Variants in LRRC9 observed in about 807,000 individuals in gnomAD.
LRRC9 encodes the protein leucine-rich repeat-containing protein 9.
A neutral mutation model predicts 63.2 loss-of-function variants in LRRC9; 122 were observed. The ratio of observed to expected loss-of-function variants is 1.93; its 90% confidence interval spans 1.67 to 2.24. The LOEUF (loss-of-function observed/expected upper bound fraction) is 2.24, where lower values mean the gene tolerates loss of function less well. LRRC9 is among the 30% of genes most tolerant of loss of function. The pLI is 0.00. For synonymous variants in LRRC9, 366 were observed against 213.1 expected (o/e 1.72, Z -6.25); for missense variants, 1,071 against 627.7 (o/e 1.71, Z -7.55).
chr14:60,002,342 T>C (rs1431509560), intron 20 of LRRC9, among the ~76,000 whole-genome samples: 1 of 152,206 alleles, frequency 6.6e-6, no homozygotes, highest in African/African-American at 2.4e-5. Flanking sequence ...AACTTTGATG[T>C]TGTACATTAG....
intron 23 of LRRC9, among the ~76,000 whole-genome samples, chr14:60,015,614 T>G (rs1378805356): frequency 1.3e-5 from 2 of 152,136 alleles, no homozygotes; most frequent in Non-Finnish European, 2.9e-5. Context: ...AGGAACTCCT[T>G]GTTACTATTA....
chr14:59,968,708 A>G (rs781100903), intron 12 of LRRC9, among the ~76,000 whole-genome samples: 1 of 152,208 alleles, frequency 6.6e-6, no homozygotes, highest in Non-Finnish European at 1.5e-5. Context: ...AGAACTATGA[A>G]CCATTATCGG....
rs919170049 is a variant in LRRC9, at chr14:60,031,140, T to G, written c.3922-855T>G. Among the ~76,000 whole-genome samples the G allele has an allele frequency of 6.6e-6, 1 of 152,046 alleles. No homozygotes were observed. Among genetic ancestry groups the G allele is most frequent in the Non-Finnish European group, 1.5e-5 (1 of 67,946 alleles). On this transcript the variant is annotated intron_variant, in intron 28 of 31. Coordinates refer to ENST00000445360, the Ensembl canonical transcript of LRRC9. This position sits in a 1 kb window ranked among gnomAD's most constrained non-coding sequence, Gnocchi z 4.6. ...TGCTTGTGGGTAAAAATGCACAATA[T>G]CTCTATAGATTTACAGATTTTTCAA...
intron 17 of LRRC9, among the ~76,000 whole-genome samples, chr14:59,993,026 T>C (rs1227843097): frequency 6.6e-6 from 1 of 151,918 alleles, no homozygotes; most frequent in Non-Finnish European, 1.5e-5. Flanking sequence ...AAAGTTGAAA[T>C]GAAGGAAAAA....
At chr14:60,009,850 C>G (rs182431604) in intron 23 of LRRC9, among the ~76,000 whole-genome samples, 1 of 152,298 alleles carries the variant, frequency 6.6e-6, no homozygotes, top group Admixed American at 6.5e-5. Context: ...CGCATGCAAG[C>G]CCAAAATCCA....
intron 5 of LRRC9, 134 bp from the exon 6 acceptor site, chr14:59,931,835 A>C: frequency 1.6e-6 from 1 of 609,972 alleles, no homozygotes. Flanking sequence ...CTCATTAATC[A>C]GTGGTTACTA....
intron 17 of LRRC9, among the ~76,000 whole-genome samples, chr14:59,988,869 T>C (rs1485058196): frequency 1.3e-5 from 2 of 152,168 alleles, no homozygotes; most frequent in East Asian, 3.8e-4. Flanking sequence ...TGAATGTTAA[T>C]AACAGTTTAG....
intron 28 of LRRC9, among the ~76,000 whole-genome samples, chr14:60,029,510 CAAG>C (rs1891822892): frequency 6.6e-6 from 1 of 152,078 alleles, no homozygotes; most frequent in South Asian, 2.1e-4. Context: ...AGTCCTTAAT[CAAG>C]AAGATCTGCT....
chr14:59,996,774 CGA>C (rs1888840027), intron 17 of LRRC9, among the ~76,000 whole-genome samples: 1 of 152,086 alleles, frequency 6.6e-6, no homozygotes, highest in African/African-American at 2.4e-5. Context: ...CAGTATTTAT[CGA>C]GAGTCTTAAC....
At chr14:60,046,686 T>C (rs1430395904) in intron 29 of LRRC9, among the ~76,000 whole-genome samples, 1 of 152,236 alleles carries the variant, frequency 6.6e-6, no homozygotes, top group Non-Finnish European at 1.5e-5. Context: ...CCTTGTGGCA[T>C]AGTTTGAGGT....
At position 59,986,573 on chromosome 14, in the gene LRRC9, G is replaced by C; in HGVS notation, c.2211+1349G>C. Among the ~76,000 whole-genome samples the C allele has an allele frequency of 6.6e-6, 1 of 152,194 alleles. No homozygotes were observed. Among genetic ancestry groups the C allele is most frequent in the East Asian group, 1.9e-4 (1 of 5,202 alleles). Reference sequence around the variant, plus strand: ...GTATTTTAGAAGAGGTCTCAGGACTGTATGTAGATTGTTGGTATTTTTATT... The same window carrying C: ...GTATTTTAGAAGAGGTCTCAGGACTCTATGTAGATTGTTGGTATTTTTATT... On this transcript the variant is annotated intron_variant, in intron 17 of 31. Coordinates refer to ENST00000445360, the Ensembl canonical transcript of LRRC9. The surrounding 1 kb of genome is among the most constrained non-coding windows in gnomAD (Gnocchi z 4.7).
At position 59,936,527 on chromosome 14, in the gene LRRC9, G is replaced by T. The variant is rs1347935432; in HGVS notation, c.544-1863G>T. Reference sequence around the variant, plus strand: ...GTAAACTCCAGTGTCACCTGAATTTGGAATGTAGTTGGGGGATTTCTGTGT... The same window carrying T: ...GTAAACTCCAGTGTCACCTGAATTTTGAATGTAGTTGGGGGATTTCTGTGT... On this transcript the variant is annotated intron_variant, in intron 6 of 31. Coordinates refer to ENST00000445360, the Ensembl canonical transcript of LRRC9. The surrounding 1 kb of genome is among the most constrained non-coding windows in gnomAD (Gnocchi z 4.2). 1.3e-5 allele frequency among the ~76,000 whole-genome samples: 2 copies of T among 152,162 alleles called. No homozygotes were observed. The highest frequency in any genetic ancestry group is 2.9e-5 in the Non-Finnish European group (2 of 68,022).
rs143139131 is a variant in LRRC9 at position 60,044,030 on chromosome 14, T to C, written c.3991-9035T>C. ...TTTCTATTTCTTCATGATTCAATCTTTGTAGGTTGTATGCATTCGAGAAGA... is the reference window on the plus strand; with the variant it reads ...TTTCTATTTCTTCATGATTCAATCTCTGTAGGTTGTATGCATTCGAGAAGA... On this transcript the variant is annotated intron_variant, in intron 29 of 31. Transcript: ENST00000445360. Among the ~76,000 whole-genome samples, 220 of 152,046 alleles carry C rather than the reference T, an allele frequency of 1.4e-3. No homozygotes were observed. The East Asian group carries it at 0.028, about 19-fold the overall frequency.
chr14:59,985,205 T>C, exon 17 of LRRC9: 1 of 682,414 alleles, frequency 1.5e-6, no homozygotes, highest in East Asian at 2.7e-5. Flanking sequence ...TTTACCTGTT[T>C]AGATGATGTA....
chr14:60,035,839 TG>T (rs1170611825), intron 29 of LRRC9, among the ~76,000 whole-genome samples: 1 of 152,214 alleles, frequency 6.6e-6, no homozygotes, highest in Non-Finnish European at 1.5e-5. Context: ...TTTTAGGATT[TG>T]TTTTTTTATT....
At chr14:59,998,271 A>T (rs562634691) in intron 18 of LRRC9, among the ~76,000 whole-genome samples, 11 of 152,138 alleles carry the variant, frequency 7.2e-5, no homozygotes, top group African/African-American at 2.6e-4. Flanking sequence ...TCTGTGGTTG[A>T]ACAACATGTT....
rs1007405109 is a variant in LRRC9 at position 60,060,786 on chromosome 14, G to C, written c.4277-2537G>C. Among the ~76,000 whole-genome samples the C allele has an allele frequency of 6.6e-6, 1 of 152,052 alleles. No individual in the cohort carries two copies. Among genetic ancestry groups the C allele is most frequent in the African/African-American group, 2.4e-5 (1 of 41,398 alleles). On this transcript the variant is annotated intron_variant, in intron 31 of 31. Transcript: ENST00000445360. This position sits in a 1 kb window ranked among gnomAD's most constrained non-coding sequence, Gnocchi z 4.0. ...ATTAGTGATTCCTCTGAGGGATATGGGCAAAGTAAATTGAAGACCTTCTGG... is the reference window on the plus strand; with the variant it reads ...ATTAGTGATTCCTCTGAGGGATATGCGCAAAGTAAATTGAAGACCTTCTGG...
chr14:60,014,700 G>C (rs968360630), intron 23 of LRRC9, among the ~76,000 whole-genome samples: 65 of 151,922 alleles, frequency 4.3e-4, no homozygotes, highest in Admixed American at 1.1e-3. Flanking sequence ...TTAGTTTTTA[G>C]AAATTTGATT....
Position 59,922,631 on chromosome 14 carries a change from A to G in LRRC9, c.-34+2748A>G, listed in dbSNP as rs1020671089. Among the ~76,000 whole-genome samples the G allele has an allele frequency of 6.6e-6, 1 of 152,248 alleles. No individual in the cohort carries two copies. Among genetic ancestry groups the G allele is most frequent in the Non-Finnish European group, 1.5e-5 (1 of 68,036 alleles). On this transcript the variant is annotated intron_variant, in intron 1 of 31. Transcript: ENST00000445360. This position sits in a 1 kb window ranked among gnomAD's most constrained non-coding sequence, Gnocchi z 5.3. ...CAAAAGGAAGAACACCTACTAAGAC[A>G]GGAGTCAGAAGGGAAAGAAAAATAC...
Sources: allele counts gnomAD v4.1 joint callset (sites outside exome capture counted in the v4.1 genomes callset), GRCh38; gene constraint gnomAD v4.1.1; non-coding constraint Gnocchi (gnomAD v3.1); transcripts MANE v1.5; gene names NCBI Gene and HGNC (gene_info 2026-07-23, HGNC 2026-07-21).